Variants in SON observed in about 807,000 individuals in gnomAD.
SON encodes SON DNA and RNA binding protein, also known as protein SON.
Under a neutral mutation model 173.3 loss-of-function variants are expected in SON, and 4 were observed. That is an observed-to-expected ratio of 0.02 (90% CI 0.01 to 0.05). The LOEUF is 0.05. SON is among the 10% of genes least tolerant of loss of function. SON has a pLI of 1.00. For synonymous variants in SON, 1,190 were observed against 1,105.9 expected (o/e 1.08, Z -1.51); for missense variants, 2,626 against 3,055.3 (o/e 0.86, Z 3.31).
rs190703163 is a variant in SON at position 33,546,035 on chromosome 21, A to G, written c.78-178A>G. On this transcript the variant is annotated intron_variant, in intron 1 of 11. Coordinates refer to ENST00000356577, the MANE Select transcript of SON (RefSeq NM_138927.4). ...TGAAAACTTTAATTGTATAAAAATG[A>G]AATGTCCAAAATATAAGTAGATCAT... Among the ~76,000 whole-genome samples, 506 of 152,358 alleles carry G rather than the reference A, an allele frequency of 3.3e-3. 3 individuals are homozygous for G. Among genetic ancestry groups the G allele is most frequent in the Non-Finnish European group, 5.8e-3 (393 of 68,036 alleles).
At position 33,553,305 on chromosome 21, in the gene SON, T is replaced by C; in HGVS notation, c.4074T>C (p.Ala1358=). The C allele has an allele frequency of 1.2e-6, 2 of 1,613,604 alleles. No homozygotes were observed. Among genetic ancestry groups the C allele is most frequent in the Admixed American group, 1.7e-5 (1 of 60,018 alleles). ...CTGCCCCAGAGTCTTCAGCTATGGCTGTCCTGGAGTCTTCGGCTGTGACCG... is the reference window on the plus strand; with the variant it reads ...CTGCCCCAGAGTCTTCAGCTATGGCCGTCCTGGAGTCTTCGGCTGTGACCG... ...AMAAPESSAM[A]VLESSAVTVL... is the part of the protein sequence containing the mutation. Residue 1358 remains alanine, a synonymous_variant, in exon 3 of 12, where the codon GCT becomes GCC. Transcript: ENST00000356577.
chr21:33,554,240 C>G lies in SON; in HGVS notation c.5009C>G (p.Ser1670Cys), dbSNP rs750292227. The G allele has an allele frequency of 6.2e-7, 1 of 1,614,032 alleles. No individual in the cohort carries two copies. The highest frequency in any genetic ancestry group is 8.5e-7 in the Non-Finnish European group (1 of 1,179,908). The change falls in exon 3 of 12, where the codon TCT becomes TGT. Residue 1670 changes from serine (S) to cysteine (C), a missense_variant. Around this residue, in one of 13 missense-constraint regions of SON, gnomAD observed 1,006 missense variants for 895.6 expected, o/e 1.12. Coordinates refer to ENST00000356577, the MANE Select transcript of SON (RefSeq NM_138927.4). Reference sequence around the variant, plus strand: ...AAAGATATTCATCTTGATTTACCATCTAATAATAACCTTGTTAGTAAGGAT... The same window carrying G: ...AAAGATATTCATCTTGATTTACCATGTAATAATAACCTTGTTAGTAAGGAT... ...PAKDIHLDLP[S>C]NNNLVSKDTE...
chr21:33,552,627 C>T lies in SON; in HGVS notation c.3396C>T (p.Tyr1132=). ...TGATGTCTATGGCTGCTGATTCTTA[C>T]ACCGATTCTTACACTGACACATATA... The part of the protein sequence containing the change: ...RSMMSMAADS[Y]TDSYTDTYTE... Residue 1132 remains tyrosine (Y), a synonymous_variant, in exon 3 of 12, where the codon TAC becomes TAT. Coordinates refer to ENST00000356577, the MANE Select transcript of SON (RefSeq NM_138927.4). The surrounding 1 kb of genome is among the most constrained non-coding windows in gnomAD (Gnocchi z 5.6). 2 of 1,614,036 alleles carry T rather than the reference C, an allele frequency of 1.2e-6. No homozygotes were observed. Among genetic ancestry groups the T allele is most frequent in the African/African-American group, 2.7e-5 (2 of 74,984 alleles).
At position 33,549,871 on chromosome 21, in the gene SON, C is replaced by T. The variant is rs1303022354; in HGVS notation, c.640C>T (p.Leu214=). The change falls in exon 3 of 12, where the codon CTG becomes TTG. Residue 214 remains leucine, a synonymous_variant. Coordinates refer to ENST00000356577, the MANE Select transcript of SON (RefSeq NM_138927.4). ...GAAGCCAGCTACAAAAACTGCAGAA[C>T]TGTCAGTTGTATCTACATCAGTAAT... ...TLKPATKTAE[L]SVVSTSVISE... is the part of the protein sequence containing the mutation. The T allele has an allele frequency of 3.1e-6, 5 of 1,614,242 alleles. No homozygotes were observed. Among genetic ancestry groups the T allele is most frequent in the East Asian group, 2.2e-5 (1 of 44,884 alleles).
chr21:33,557,284 T>G lies in SON; in HGVS notation c.6289T>G (p.Ser2097Ala). 6.2e-7 allele frequency: 1 copy of G among 1,613,618 alleles called. No homozygotes were observed. The highest frequency in any genetic ancestry group is 8.5e-7 in the Non-Finnish European group (1 of 1,179,914). Residue 2097 changes from serine (S) to alanine (A), a missense_variant, in exon 4 of 12, where the codon TCA becomes GCA. Physicochemically the swap from Ser to Ala is moderately conservative, Grantham distance 99 (BLOSUM62 1). This residue lies in a region of SON where 19 missense variants were observed against 16.8 expected (regional missense o/e 1.13). Transcript: ENST00000356577. ...TATAGAAGAGAAAGTTGCTAAAAAG[T>G]CAGGAGGAGCTACTATAGAAGAACT... is the stretch of plus-strand genomic sequence containing the variant. The part of the protein sequence containing the change: ...PTIEEKVAKK[S>A]GGATIEELTE...
Position 33,554,936 on chromosome 21 carries a change from G to C in SON, c.5705G>C (p.Arg1902Thr). The change falls in exon 3 of 12, where the codon AGG becomes ACG. Residue 1902 changes from arginine to threonine, a missense_variant. Around this residue, in one of 13 missense-constraint regions of SON, gnomAD observed 1,006 missense variants for 895.6 expected, o/e 1.12. Transcript: ENST00000356577. ...KRSPKHRSKS[R>T]ERKRKRSSSR... ...TCTCCAAAGCACAGATCCAAGTCTA[G>C]GGAAAGAAAAAGAAAAAGATCAAGC... is the stretch of plus-strand genomic sequence containing the variant. 1 of 1,614,048 alleles carries C rather than the reference G, an allele frequency of 6.2e-7. No individual in the cohort carries two copies. The highest frequency in any genetic ancestry group is 8.5e-7 in the Non-Finnish European group (1 of 1,180,000).
chr21:33,561,852 A>G (rs2086076361), intron 6 of SON, among the ~76,000 whole-genome samples: 1 of 152,194 alleles, frequency 6.6e-6, no homozygotes, highest in African/African-American at 2.4e-5. Context: ...TTTCTTACCA[A>G]AGAAGAATCC....
chr21:33,553,903 G>A lies in SON; in HGVS notation c.4672G>A (p.Val1558Ile). 1 of 1,614,134 alleles carries A rather than the reference G, an allele frequency of 6.2e-7. No homozygotes were observed. Among genetic ancestry groups the A allele is most frequent in the Non-Finnish European group, 8.5e-7 (1 of 1,180,012 alleles). ...AGTGTGTGCTGCTGGTACTAGTCCT[G>A]TTGGGGAAATTGGTGAAGAGAAAAT... ...NTVCAAGTSP[V>I]GEIGEEKILP... Residue 1558 changes from valine (V) to isoleucine (I), a missense_variant, in exon 3 of 12, where the codon GTT becomes ATT. By Grantham distance (29) the Val-to-Ile change is conservative. Around this residue, in one of 13 missense-constraint regions of SON, gnomAD observed 1,006 missense variants for 895.6 expected, o/e 1.12. Coordinates refer to ENST00000356577, the MANE Select transcript of SON (RefSeq NM_138927.4).
chr21:33,568,539 A>G (rs1481439119), intron 7 of SON, among the ~76,000 whole-genome samples: 1 of 152,254 alleles, frequency 6.6e-6, no homozygotes, highest in African/African-American at 2.4e-5. Context: ...ACAGTTTCCT[A>G]CATTTAAACT....
At position 33,559,998 on chromosome 21, in the gene SON, T is replaced by A. The variant is rs1195647769; in HGVS notation, c.6657+223T>A. 1 of 1,614,208 alleles carries A rather than the reference T, an allele frequency of 6.2e-7. No individual in the cohort carries two copies. The highest frequency in any genetic ancestry group is 8.5e-7 in the Non-Finnish European group (1 of 1,180,034). ...AAGCCACAAAGTGAAAAGCATCGAA[T>A]TGCAGAGAACAGTGTTATCACATCC... On this transcript the variant is annotated intron_variant, in intron 6 of 11. Transcript: ENST00000356577. This position sits in a 1 kb window ranked among gnomAD's most constrained non-coding sequence, Gnocchi z 4.1.
At chr21:33,557,575 G>A (rs2085992234) in intron 4 of SON, 20 of 1,550,450 alleles carry the variant, frequency 1.3e-5, no homozygotes, top group Non-Finnish European at 1.7e-5. Flanking sequence ...TGAGGAGTGG[G>A]ACGGTTCGTT....
intron 6 of SON, among the ~76,000 whole-genome samples, chr21:33,564,149 T>C (rs1451211229): frequency 6.6e-6 from 1 of 152,206 alleles, no homozygotes; most frequent in African/African-American, 2.4e-5. Flanking sequence ...GGAGGGGCCT[T>C]TTACCATCAT....
chr21:33,554,225 A>G lies in SON; in HGVS notation c.4994A>G (p.His1665Arg). Reference sequence around the variant, plus strand: ...GGGCCTTTGCCTGCTAAAGATATTCATCTTGATTTACCATCTAATAATAAC... The same window carrying G: ...GGGCCTTTGCCTGCTAAAGATATTCGTCTTGATTTACCATCTAATAATAAC... ...IEGPLPAKDI[H>R]LDLPSNNNLV... Residue 1665 changes from histidine to arginine, a missense_variant, in exon 3 of 12, where the codon CAT (histidine) becomes CGT (arginine). Coordinates refer to ENST00000356577, the MANE Select transcript of SON (RefSeq NM_138927.4). The G allele has an allele frequency of 6.2e-7, 1 of 1,614,196 alleles. No homozygotes were observed. Among genetic ancestry groups the G allele is most frequent in the Admixed American group, 1.7e-5 (1 of 60,032 alleles).
chr21:33,544,103 G>C lies in SON; in HGVS notation c.77+934G>C, dbSNP rs560588621. ...AGAGATCTTGAAACGTAAGTGTTCC[G>C]AGTTCAAGTGTTTTTAATTGTATTT... On this transcript the variant is annotated intron_variant, in intron 1 of 11. Coordinates refer to ENST00000356577, the MANE Select transcript of SON (RefSeq NM_138927.4). Among the ~76,000 whole-genome samples, 6 of 152,320 alleles carry C rather than the reference G, an allele frequency of 3.9e-5. No homozygotes were observed. In the East Asian group the frequency reaches 1.2e-3, roughly 29 times the overall value.
At position 33,562,001 on chromosome 21, in the gene SON, T is replaced by C. The variant is rs8128508; in HGVS notation, c.6657+2226T>C. 6.6e-3 allele frequency among the ~76,000 whole-genome samples: 1,007 copies of C among 152,240 alleles called. 7 individuals carry two copies. The highest frequency in any genetic ancestry group is 0.023 in the African/African-American group (953 of 41,544). ...TTAGAAGATTAGACTCAAAAGAACA[T>C]ACAGATTAATTCTAAAGAAGAGAAT... On this transcript the variant is annotated intron_variant, in intron 6 of 11. Transcript: ENST00000356577.
At chr21:33,557,420 G>C (rs1015427178) in intron 4 of SON, 104 bp downstream of exon 4, 1 of 1,533,214 alleles carries the variant, frequency 6.5e-7, no homozygotes, top group African/African-American at 1.4e-5. Flanking sequence ...GATAATGGCT[G>C]GCACCGAGTG....
intron 6 of SON, among the ~76,000 whole-genome samples, chr21:33,562,453 A>G (rs1299027349): frequency 6.6e-6 from 1 of 152,204 alleles, no homozygotes; most frequent in Non-Finnish European, 1.5e-5. Context: ...ACATTTAGGC[A>G]AAGATCACAG....
At chr21:33,568,927 C>A in intron 7 of SON, 44 bp from the exon 8 acceptor site, 1 of 1,106,688 alleles carries the variant, frequency 9.0e-7, no homozygotes, top group Non-Finnish European at 1.4e-6. Context: ...ATGTTTTAAT[C>A]AGGTAATTTT....
rs2086383610 is a variant in SON at position 33,575,653 on chromosome 21, T to C, written c.7091T>C (p.Met2364Thr). 6.2e-7 allele frequency: 1 copy of C among 1,613,104 alleles called. No individual in the cohort carries two copies. The highest frequency in any genetic ancestry group is 8.5e-7 in the Non-Finnish European group (1 of 1,179,488). The change falls in exon 10 of 12, where the codon ATG becomes ACG. Residue 2364 changes from methionine to threonine, a missense_variant. Physicochemically the swap from Met to Thr is moderately conservative, Grantham distance 81 (BLOSUM62 -1). Transcript: ENST00000356577. ...QKRSGNFSAA[M>T]KDLSGKHPVS... ...AGGTCTGGGAACTTCTCTGCTGCAA[T>C]GAAAGATCTGTCAGGTGAGAGCACG...
Sources: allele counts gnomAD v4.1 joint callset (sites outside exome capture counted in the v4.1 genomes callset), GRCh38; gene constraint gnomAD v4.1.1; regional missense constraint gnomAD v4.1.1; non-coding constraint Gnocchi (gnomAD v3.1); transcripts MANE v1.5; gene names NCBI Gene and HGNC (gene_info 2026-07-23, HGNC 2026-07-21).